Variants in RBPJ observed in about 807,000 individuals in gnomAD.
RBPJ encodes recombining binding protein suppressor of hairless.
Under a neutral mutation model 67.8 loss-of-function variants are expected in RBPJ, and 9 were observed. The ratio of observed to expected loss-of-function variants is 0.13; its 90% confidence interval spans 0.08 to 0.23. The LOEUF (loss-of-function observed/expected upper bound fraction) is 0.23, where lower values mean the gene tolerates loss of function less well. RBPJ is among the 10% of genes least tolerant of loss of function. The probability of loss-of-function intolerance (pLI) is 1.00; values close to 1 mark genes in which losing one functional copy is unlikely to be tolerated. For synonymous variants in RBPJ, 198 were observed against 203.3 expected (o/e 0.97, Z 0.22); for missense variants, 305 against 595.6 (o/e 0.51, Z 5.08).
At chr4:26,244,210 T>TACATATAC (rs1266441850) in intron 1 of RBPJ, among the ~76,000 whole-genome samples, 1 of 147,494 alleles carries the variant, frequency 6.8e-6, no homozygotes, top group Non-Finnish European at 1.5e-5. Flanking sequence ...TATATATGTA[T>TACATATAC]ACACATATGT....
chr4:26,325,211 C>T (rs1054570778), intron 1 of RBPJ, among the ~76,000 whole-genome samples: 4 of 152,180 alleles, frequency 2.6e-5, no homozygotes, highest in African/African-American at 9.7e-5. Context: ...GAATTTGTTT[C>T]CCTTATCCTC....
intron 1 of RBPJ, among the ~76,000 whole-genome samples, chr4:26,172,243 C>A (rs1038864070): frequency 3.3e-5 from 5 of 152,152 alleles, no homozygotes; most frequent in African/African-American, 1.2e-4. Context: ...CAGCTGCCGC[C>A]ATCCGCCTGG....
chr4:26,341,507 G>A (rs1358114391), intron 1 of RBPJ, among the ~76,000 whole-genome samples: 1 of 152,072 alleles, frequency 6.6e-6, no homozygotes, highest in Non-Finnish European at 1.5e-5. Flanking sequence ...TGAGCTACAC[G>A]AGAGGCTGAG....
intron 4 of RBPJ, among the ~76,000 whole-genome samples, chr4:26,419,474 G>A (rs1049445437): frequency 6.6e-6 from 1 of 152,106 alleles, no homozygotes; most frequent in Non-Finnish European, 1.5e-5. Context: ...GTCTGCTACC[G>A]AGGCTGTCTG....
At chr4:26,239,243 G>T (rs533850305) in intron 1 of RBPJ, among the ~76,000 whole-genome samples, 11 of 152,172 alleles carry the variant, frequency 7.2e-5, no homozygotes, top group African/African-American at 2.7e-4. Flanking sequence ...TCCCAGCCAA[G>T]TGCTTTTCAT....
In RBPJ at chr4:26,347,229, C is replaced by T. The variant is rs571971631; in HGVS notation, c.20+26181C>T. Among the ~76,000 whole-genome samples the T allele has an allele frequency of 1.0e-3, 158 of 152,104 alleles. 1 individual carries two copies. Among genetic ancestry groups the T allele is most frequent in the African/African-American group, 2.6e-3 (108 of 41,494 alleles). ...ATATCCAGTGGCCAGTTATACGTGG[C>T]GATCCTGGAGCTCAAGAGAGAGAGG... On this transcript the variant is annotated intron_variant, in intron 1 of 10. Coordinates refer to ENST00000355476, the MANE Select transcript of RBPJ (RefSeq NM_015874.6).
chr4:26,218,870 C>G (rs1718808220), intron 1 of RBPJ, among the ~76,000 whole-genome samples: 1 of 152,086 alleles, frequency 6.6e-6, no homozygotes, highest in Admixed American at 6.5e-5. Flanking sequence ...AAACAGGCCT[C>G]AGCACTGAGG....
intron 1 of RBPJ, among the ~76,000 whole-genome samples, chr4:26,189,961 G>C (rs771728230): frequency 2.6e-5 from 4 of 152,104 alleles, no homozygotes; most frequent in Non-Finnish European, 5.9e-5. Context: ...CACACACACA[G>C]ATACACACTT....
At chr4:26,313,104 G>A (rs1722490265) in intron 1 of RBPJ, among the ~76,000 whole-genome samples, 1 of 152,110 alleles carries the variant, frequency 6.6e-6, no homozygotes, top group African/African-American at 2.4e-5. Flanking sequence ...TGTATTTTTT[G>A]TTGAGACAGA....
intron 1 of RBPJ, among the ~76,000 whole-genome samples, chr4:26,341,238 G>C (rs939731449): frequency 6.6e-6 from 1 of 152,206 alleles, no homozygotes; most frequent in African/African-American, 2.4e-5. Flanking sequence ...AAGGAAAACA[G>C]GAGTGTAGTA....
intron 1 of RBPJ, among the ~76,000 whole-genome samples, chr4:26,184,020 A>G (rs1717122929): frequency 6.6e-6 from 1 of 151,782 alleles, no homozygotes. Flanking sequence ...TCAAAAAAAC[A>G]AAATAAAAAA....
chr4:26,370,205 A>G (rs1253193016), intron 1 of RBPJ, among the ~76,000 whole-genome samples: 1 of 152,212 alleles, frequency 6.6e-6, no homozygotes, highest in Non-Finnish European at 1.5e-5. Context: ...CAAAACATTG[A>G]TAAATAATAG....
Position 26,430,683 on chromosome 4 carries a change from C to G in RBPJ, c.1149-9C>G. On this transcript the variant is annotated splice_polypyrimidine_tract_variant and intron_variant, in intron 10 of 10. Transcript: ENST00000355476. The surrounding 1 kb of genome is among the most constrained non-coding windows in gnomAD (Gnocchi z 4.1). Reference sequence around the variant, plus strand: ...AAGTGTTTTTAAGTGATTTCTATTTCCTCCTCAGGTGTGGAGAGAGTATGC... The same window carrying G: ...AAGTGTTTTTAAGTGATTTCTATTTGCTCCTCAGGTGTGGAGAGAGTATGC... 6.2e-7 allele frequency: 1 copy of G among 1,610,354 alleles called. No homozygotes were observed. The highest frequency in any genetic ancestry group is 1.1e-5 in the South Asian group (1 of 90,752).
chr4:26,139,548 G>T, the RBPJ span, among the ~76,000 whole-genome samples: 3 of 152,262 alleles, frequency 2.0e-5, no homozygotes, highest in African/African-American at 4.8e-5. Context: ...CCCTGGGGCT[G>T]TGCTGAGGCC....
chr4:26,411,110 C>T (rs995414976), intron 3 of RBPJ, among the ~76,000 whole-genome samples: 3 of 152,146 alleles, frequency 2.0e-5, no homozygotes, highest in Non-Finnish European at 4.4e-5. Flanking sequence ...CTAAAATACA[C>T]CACATAAGAT....
upstream of RBPJ, among the ~76,000 whole-genome samples, chr4:26,159,407 C>G (rs746790772): frequency 5.3e-5 from 8 of 152,120 alleles, no homozygotes; most frequent in Non-Finnish European, 1.0e-4. Flanking sequence ...ATAGATGATG[C>G]CATGCCCCTT....
upstream of RBPJ, among the ~76,000 whole-genome samples, chr4:26,318,733 T>A (rs1018829703): frequency 9.2e-5 from 14 of 151,996 alleles, no homozygotes; most frequent in Non-Finnish European, 1.0e-4. Context: ...GCGCGGTGGC[T>A]CACACGTGTA....
chr4:26,332,977 A>G (rs1305978263), intron 1 of RBPJ, among the ~76,000 whole-genome samples: 1 of 152,204 alleles, frequency 6.6e-6, no homozygotes, highest in African/African-American at 2.4e-5. Context: ...TATTGTGTAA[A>G]GTGAGCCACT....
intron 1 of RBPJ, among the ~76,000 whole-genome samples, chr4:26,278,432 A>T (rs961538257): frequency 4.6e-5 from 7 of 152,226 alleles, no homozygotes; most frequent in African/African-American, 1.7e-4. Flanking sequence ...TGATAGAAAA[A>T]ATATGTAGTG....
Sources: allele counts gnomAD v4.1 joint callset (sites outside exome capture counted in the v4.1 genomes callset), GRCh38; gene constraint gnomAD v4.1.1; non-coding constraint Gnocchi (gnomAD v3.1); transcripts MANE v1.5; gene names NCBI Gene and HGNC (gene_info 2026-07-23, HGNC 2026-07-21).